CCDC170: variants seen among roughly 807,000 people sequenced by gnomAD.
CCDC170 encodes coiled-coil domain containing 170, also known as coiled-coil domain-containing protein 170.
Under a neutral mutation model 72.6 loss-of-function variants are expected in CCDC170, and 69 were observed. The ratio of observed to expected loss-of-function variants is 0.95; its 90% confidence interval spans 0.78 to 1.16. The LOEUF (loss-of-function observed/expected upper bound fraction) is 1.16. Ranked by LOEUF, CCDC170 falls within the 50% of genes most tolerant of loss-of-function variation. The pLI is 0.00. For missense variants in CCDC170, 852 were observed against 832.5 expected (o/e 1.02, Z -0.29); for synonymous variants, 300 against 303.9 (o/e 0.99, Z 0.13).
intron 6 of CCDC170, among the ~76,000 whole-genome samples, chr6:151,575,640 C>T (rs1437630760): frequency 6.8e-6 from 1 of 146,820 alleles, no homozygotes. Flanking sequence ...AGCAATACTC[C>T]TGCCTCAGCC....
intron 1 of CCDC170, among the ~76,000 whole-genome samples, chr6:151,511,199 C>T (rs145121637): frequency 5.9e-5 from 9 of 152,218 alleles, no homozygotes; most frequent in Non-Finnish European, 1.2e-4. Flanking sequence ...TTTTGTCTAG[C>T]GAGGGCTAAT....
intron 5 of CCDC170, among the ~76,000 whole-genome samples, chr6:151,563,670 T>C (rs1262953515): frequency 6.6e-6 from 1 of 152,134 alleles, no homozygotes; most frequent in Non-Finnish European, 1.5e-5. Flanking sequence ...CACGTCTGTG[T>C]GAGCTGGCCA....
At position 151,592,612 on chromosome 6, in the gene CCDC170, G is replaced by A. The variant is rs768473724; in HGVS notation, c.1294-495G>A. ...ACTCACTACCATGAGAACAGTATGC[G>A]GGAAACTGCCCCCATGATTCAATTA... On this transcript the variant is annotated intron_variant, in intron 7 of 10. Transcript: ENST00000239374. Among the ~76,000 whole-genome samples the A allele has an allele frequency of 1.5e-4, 23 of 152,192 alleles. No individual in the cohort carries two copies. The East Asian group carries it at 1.9e-3, about 13-fold the overall frequency.
chr6:151,499,463 G>A (rs1445629042), intron 1 of CCDC170, among the ~76,000 whole-genome samples: 1 of 145,838 alleles, frequency 6.9e-6, no homozygotes. Context: ...CGCTGTATAA[G>A]TGGAATCAGA....
chr6:151,597,589 GTATT>G (rs1776645211), intron 9 of CCDC170, among the ~76,000 whole-genome samples: 1 of 152,226 alleles, frequency 6.6e-6, no homozygotes, highest in Non-Finnish European at 1.5e-5. Flanking sequence ...GCAGGCAAGG[GTATT>G]TACGTTGTGC....
intron 1 of CCDC170, among the ~76,000 whole-genome samples, chr6:151,500,219 T>A (rs1781975486): frequency 6.6e-6 from 1 of 151,700 alleles, no homozygotes; most frequent in South Asian, 2.1e-4. Context: ...TGCTCTGTTT[T>A]TTTTTTTTTT....
rs536667026 is a variant in CCDC170, at chr6:151,518,180, T to C, written c.58-18138T>C. Among the ~76,000 whole-genome samples the C allele has an allele frequency of 2.0e-5, 3 of 152,226 alleles. No homozygotes were observed. The South Asian group carries it at 6.2e-4, about 32-fold the overall frequency. ...TTGTAGTTATGGTATACATCCATGT[T>C]TTTTAGTTTGTTAATGCTTCTGGGT... On this transcript the variant is annotated intron_variant, in intron 1 of 10. Coordinates refer to ENST00000239374, the MANE Select transcript of CCDC170 (RefSeq NM_025059.4).
At chr6:151,573,653 T>G (rs995854326) in intron 6 of CCDC170, among the ~76,000 whole-genome samples, 162 bp downstream of exon 6, 1 of 152,192 alleles carries the variant, frequency 6.6e-6, no homozygotes, top group Non-Finnish European at 1.5e-5. Context: ...CAGTTCCACA[T>G]GGCTGGGGAG....
At chr6:151,496,642 C>T (rs1451120247) in intron 1 of CCDC170, among the ~76,000 whole-genome samples, 1 of 152,030 alleles carries the variant, frequency 6.6e-6, no homozygotes, top group Non-Finnish European at 1.5e-5. Context: ...CCTACCATGC[C>T]AGACTGAAAA....
At chr6:151,571,638 A>G (rs1301205814) in intron 5 of CCDC170, among the ~76,000 whole-genome samples, 1 of 152,058 alleles carries the variant, frequency 6.6e-6, no homozygotes, top group Non-Finnish European at 1.5e-5. Flanking sequence ...GAGGCAGGAG[A>G]ATCACTTGAA....
intron 5 of CCDC170, among the ~76,000 whole-genome samples, chr6:151,557,925 TC>T (rs1562281828): frequency 6.6e-6 from 1 of 152,078 alleles, no homozygotes; most frequent in Non-Finnish European, 1.5e-5. Flanking sequence ...ATGGCCAAAC[TC>T]CATCTCTGCT....
intron 9 of CCDC170, among the ~76,000 whole-genome samples, chr6:151,612,550 C>T (rs1169539460): frequency 6.6e-6 from 1 of 152,162 alleles, no homozygotes; most frequent in South Asian, 2.1e-4. Context: ...TTCTAGGTTT[C>T]GTCAGGAAGG....
chr6:151,521,707 G>A (rs1389815458), intron 1 of CCDC170, among the ~76,000 whole-genome samples: 3 of 152,206 alleles, frequency 2.0e-5, no homozygotes, highest in Non-Finnish European at 4.4e-5. Flanking sequence ...TTTCGGGCCA[G>A]GCGTGGTGGC....
chr6:151,524,899 CA>C (rs1256068547), intron 1 of CCDC170, among the ~76,000 whole-genome samples: 3 of 148,822 alleles, frequency 2.0e-5, no homozygotes, highest in Non-Finnish European at 3.0e-5. Flanking sequence ...TATTTATCTC[CA>C]AATAGATCCA....
rs116091724 is a variant in CCDC170, at chr6:151,565,304, C to A, written c.775-7870C>A. On this transcript the variant is annotated intron_variant, in intron 5 of 10. Coordinates refer to ENST00000239374, the MANE Select transcript of CCDC170 (RefSeq NM_025059.4). ...CTCAGGGTGGTGTTTGGGATTCAGC[C>A]TGAGCTCTGGAGCAATGCCATTGTG... Among the ~76,000 whole-genome samples, 758 of 152,306 alleles carry A rather than the reference C, an allele frequency of 5.0e-3. 6 individuals carry two copies. The highest frequency in any genetic ancestry group is 0.017 in the African/African-American group (721 of 41,552).
At chr6:151,583,721 G>A (rs1359350641) in intron 6 of CCDC170, among the ~76,000 whole-genome samples, 1 of 152,194 alleles carries the variant, frequency 6.6e-6, no homozygotes, top group African/African-American at 2.4e-5. Context: ...GCCTCCCAAA[G>A]TGCTGGGATT....
chr6:151,561,240 T>TA (rs1439296603), intron 5 of CCDC170, among the ~76,000 whole-genome samples: 1 of 152,150 alleles, frequency 6.6e-6, no homozygotes, highest in Non-Finnish European at 1.5e-5. Flanking sequence ...TTTAGTTATT[T>TA]AAAAATGTAC....
rs1776572340 is a variant in CCDC170 at position 151,593,288 on chromosome 6, A to G, written c.1467+8A>G. On this transcript the variant is annotated splice_region_variant and intron_variant, in intron 8 of 10. Transcript: ENST00000239374. ...CACAATTTGCAGAGAAAGGTAGGAG[A>G]TATTGAAACTTGCTAGTATTGAGAG... is the stretch of plus-strand genomic sequence containing the variant. 5.0e-6 allele frequency: 8 copies of G among 1,609,698 alleles called. No individual in the cohort carries two copies. The highest frequency in any genetic ancestry group is 5.9e-6 in the Non-Finnish European group (7 of 1,176,888).
At chr6:151,569,741 G>T (rs1056118690) in intron 5 of CCDC170, among the ~76,000 whole-genome samples, 1 of 152,222 alleles carries the variant, frequency 6.6e-6, no homozygotes, top group Non-Finnish European at 1.5e-5. Flanking sequence ...TTTGCAGTCT[G>T]AGGACATTTA....
Sources: allele counts gnomAD v4.1 joint callset (sites outside exome capture counted in the v4.1 genomes callset), GRCh38; gene constraint gnomAD v4.1.1; transcripts MANE v1.5; gene names NCBI Gene and HGNC (gene_info 2026-07-23, HGNC 2026-07-21).